The following MTMR10 variants were observed in gnomAD, a reference collection of about 807,000 sequenced individuals.
MTMR10 encodes the protein myotubularin-related protein 10.
A neutral mutation model predicts 88.1 loss-of-function variants in MTMR10; 56 were observed. That is an observed-to-expected ratio of 0.64 (90% confidence interval 0.51 to 0.79). The LOEUF (loss-of-function observed/expected upper bound fraction) is 0.79. Among genes scored for constraint, MTMR10 ranks in the 30% least tolerant of loss-of-function variants. The pLI is 0.00. For missense variants in MTMR10, 883 were observed against 924.7 expected (o/e 0.95, Z 0.58); for synonymous variants, 380 against 340.9 (o/e 1.11, Z -1.26).
At chr15:30,960,463 A>T (rs958135348) in intron 7 of MTMR10, among the ~76,000 whole-genome samples, 1 of 152,244 alleles carries the variant, frequency 6.6e-6, no homozygotes, top group South Asian at 2.1e-4. Context: ...AGCAATATCT[A>T]CAATGTGGAA....
the MTMR10 span, chr15:30,927,618 G>A: frequency 9.5e-5 from 94 of 985,450 alleles, no homozygotes; most frequent in Non-Finnish European, 1.1e-4. Context: ...GTAAATGTCA[G>A]GTGGGACCAG....
intron 12 of MTMR10, 63 bp from the exon 13 acceptor site, chr15:30,948,534 GAAAGGT>G: frequency 1.3e-6 from 2 of 1,498,876 alleles, no homozygotes; most frequent in Non-Finnish European, 1.8e-6. Flanking sequence ...GAAAGGGAAG[GAAAGGT>G]AAACTAGATA....
chr15:30,933,602 G>T, the MTMR10 span, among the ~76,000 whole-genome samples: 1 of 152,198 alleles, frequency 6.6e-6, no homozygotes, highest in Admixed American at 6.5e-5. Context: ...TTTAGCATTT[G>T]TTGTGGGCAG....
chr15:30,925,925 G>A, the MTMR10 span: 1 of 1,614,186 alleles, frequency 6.2e-7, no homozygotes, highest in South Asian at 1.1e-5. Flanking sequence ...TACAGACGCA[G>A]CGGTTTTGAC....
At chr15:30,925,780 C>T in the MTMR10 span, 5 of 1,613,886 alleles carry the variant, frequency 3.1e-6, no homozygotes, top group South Asian at 4.4e-5. Flanking sequence ...TATTCTGCTG[C>T]TGTTTCAGGT....
chr15:30,958,437 C>A (rs2063356280), intron 9 of MTMR10, among the ~76,000 whole-genome samples: 1 of 152,196 alleles, frequency 6.6e-6, no homozygotes. Flanking sequence ...TTACTAATGA[C>A]CACAGCAGAT....
intron 6 of MTMR10, chr15:30,965,814 T>C (rs148977483): frequency 0.011 from 3,425 of 300,664 alleles, 34 homozygotes; most frequent in Non-Finnish European, 0.017. Flanking sequence ...TTTTCTCAGA[T>C]AACTGCAGGG....
In MTMR10 at chr15:30,939,171, A is replaced by G. The variant is rs2062954682; in HGVS notation, c.*2299T>C. 2.0e-6 allele frequency: 2 copies of G among 985,416 alleles called. No individual in the cohort carries two copies. Among genetic ancestry groups the G allele is most frequent in the East Asian group, 1.1e-4 (1 of 8,822 alleles). 61.0% of individuals were successfully genotyped at this position (985,416 alleles called of 1,614,324 possible). On this transcript the variant is annotated 3_prime_UTR_variant, in exon 16 of 16. Coordinates refer to ENST00000435680, the MANE Select transcript of MTMR10 (RefSeq NM_017762.3). ...ACAGCTTTCACCCTCTGTTAGTACA[A>G]ATTAATATCCTTTCCTTAAATAAAG...
chr15:30,929,579 TTATATTA>T, the MTMR10 span, among the ~76,000 whole-genome samples: 39 of 127,732 alleles, frequency 3.1e-4, 1 homozygote, highest in Middle Eastern at 7.5e-3. Flanking sequence ...ATTATATTTA[TTATATTA>T]TATATTATAT....
At chr15:30,963,524 G>T (rs1189368091) in intron 6 of MTMR10, among the ~76,000 whole-genome samples, 5 of 151,816 alleles carry the variant, frequency 3.3e-5, no homozygotes, top group Non-Finnish European at 5.9e-5. Flanking sequence ...TGTAGTCCCA[G>T]CTACTTGGGA....
At chr15:30,954,662 A>G in intron 10 of MTMR10, 101 bp downstream of exon 10, 1 of 1,191,930 alleles carries the variant, frequency 8.4e-7, no homozygotes, top group Non-Finnish European at 1.1e-6. Flanking sequence ...GACTCCTTAA[A>G]TATATCTATT....
At chr15:30,949,635 T>G (rs2063216259) in intron 12 of MTMR10, 1 of 152,152 alleles carries the variant, frequency 6.6e-6, no homozygotes, top group Non-Finnish European at 1.5e-5. Context: ...AAGACTTACA[T>G]AATAAAACAC....
chr15:30,942,202 C>CT, intron 15 of MTMR10, 130 bp from the exon 16 acceptor site: 1 of 1,151,848 alleles, frequency 8.7e-7, no homozygotes, highest in Non-Finnish European at 1.2e-6. Context: ...ATTTTCCTCC[C>CT]TTCCTTTGTG....
At chr15:30,990,574 T>A (rs2141081366) in intron 2 of MTMR10, among the ~76,000 whole-genome samples, 1 of 152,284 alleles carries the variant, frequency 6.6e-6, no homozygotes. Flanking sequence ...ATACATCTTT[T>A]CAAAAAGAAA....
At position 30,974,321 on chromosome 15, in the gene MTMR10, G is replaced by A. The variant is rs768226510; in HGVS notation, c.467C>T (p.Ala156Val). The part of the protein sequence containing the change: ...FRFDESGPES[A>V]KKVCLAIAHY... ...AAACCTTAACAGTATTACCTTTTTA[G>A]CACTTTCGGGACCTGATTCATCAAA... The change falls in exon 5 of 16, where the codon GCT becomes GTT. Residue 156 changes from alanine to valine, a missense_variant. Physicochemically the swap from Ala to Val is moderately conservative, Grantham distance 64 (BLOSUM62 0). Transcript: ENST00000435680. The A allele has an allele frequency of 6.3e-7, 1 of 1,596,934 alleles. No homozygotes were observed. The highest frequency in any genetic ancestry group is 1.1e-5 in the South Asian group (1 of 88,290).
intron 2 of MTMR10, among the ~76,000 whole-genome samples, chr15:30,979,197 C>G (rs1246221943): frequency 3.9e-5 from 6 of 152,174 alleles, no homozygotes. Flanking sequence ...ACTCTTCAAA[C>G]CTTGCTACAA....
chr15:30,969,278 C>T (rs548319355), intron 5 of MTMR10, among the ~76,000 whole-genome samples: 2 of 152,092 alleles, frequency 1.3e-5, no homozygotes, highest in African/African-American at 4.8e-5. Context: ...AAAAAAACTG[C>T]TTCTTGAAAC....
At chr15:30,929,740 T>A in the MTMR10 span, among the ~76,000 whole-genome samples, 1 of 48,942 alleles carries the variant, frequency 2.0e-5, no homozygotes, top group Non-Finnish European at 3.0e-5. Flanking sequence ...TATAATATAT[T>A]ATATCATATA....
rs60084176 is a variant in MTMR10 at position 30,991,427 on chromosome 15, C to G, written c.60+20G>C. 4.3e-3 allele frequency: 6,369 copies of G among 1,473,176 alleles called. 236 individuals are homozygous for G. The African/African-American group carries it at 0.082, about 19-fold the overall frequency. The allele number at this position is 1,473,176 out of a possible 1,614,324, so 91.3% of individuals were successfully genotyped here. ...GAAGCGCAGAGGAGAGTCGGGCGCT[C>G]GCGGGGAGGGGTTGTTTACCTGGGG... On this transcript the variant is annotated intron_variant, in intron 1 of 15. Transcript: ENST00000435680.
Sources: gnomAD v4.1 joint callset for allele counts (sites outside exome capture counted in the v4.1 genomes callset) on GRCh38, gnomAD v4.1.1 for gene constraint, MANE v1.5 for transcripts, NCBI Gene and HGNC (gene_info 2026-07-23, HGNC 2026-07-21) for gene names.